Variants in MED13L observed in about 807,000 individuals in gnomAD.
The protein encoded by MED13L is mediator of RNA polymerase II transcription subunit 13-like.
Under a neutral mutation model 220.9 loss-of-function variants are expected in MED13L, and 7 were observed. The ratio of observed to expected loss-of-function variants is 0.03; its 90% confidence interval spans 0.02 to 0.06. MED13L has a LOEUF of 0.06. MED13L is among the 10% of genes least tolerant of loss of function. The probability of loss-of-function intolerance (pLI) is 1.00; values close to 1 mark genes in which losing one functional copy is unlikely to be tolerated. For synonymous variants in MED13L, 1,011 were observed against 1,015.2 expected, an observed-to-expected ratio of 1.00 and a Z score of 0.08; for missense variants, 1,965 against 2,760.5, an observed-to-expected ratio of 0.71 and a Z score of 6.46.
At chr12:115,969,803 C>A (rs997493633) in intron 27 of MED13L, among the ~76,000 whole-genome samples, 3 of 152,128 alleles carry the variant, frequency 2.0e-5, no homozygotes, top group African/African-American at 7.2e-5. Flanking sequence ...GGATTACAGG[C>A]ATAAGCCACC....
At chr12:116,012,471 T>C (rs780836280) in intron 9 of MED13L, among the ~76,000 whole-genome samples, 1 of 152,198 alleles carries the variant, frequency 6.6e-6, no homozygotes, top group African/African-American at 2.4e-5. Flanking sequence ...CTGTTTTTAA[T>C]GTATCTCTAC....
chr12:116,043,634 A>C (rs1881665325), intron 4 of MED13L, among the ~76,000 whole-genome samples: 1 of 152,228 alleles, frequency 6.6e-6, no homozygotes, highest in African/African-American at 2.4e-5. Context: ...GGGAACCAAG[A>C]GTATACTCTT....
At chr12:115,976,009 T>C (rs1876911997) in intron 23 of MED13L, among the ~76,000 whole-genome samples, 2 of 152,182 alleles carry the variant, frequency 1.3e-5, no homozygotes, top group Non-Finnish European at 2.9e-5. Context: ...CCAACTTCAT[T>C]AGTTGTTAGG....
chr12:116,228,669 C>T (rs1222273607), intron 2 of MED13L, among the ~76,000 whole-genome samples: 8 of 152,144 alleles, frequency 5.3e-5, no homozygotes, highest in Admixed American at 3.3e-4. Flanking sequence ...CATTTATACA[C>T]GTCAGCAATG....
At chr12:116,190,882 A>T (rs1881228011) in intron 2 of MED13L, among the ~76,000 whole-genome samples, 1 of 152,122 alleles carries the variant, frequency 6.6e-6, no homozygotes, top group Admixed American at 6.5e-5. Context: ...ACCTGAGGTC[A>T]GAAGTTCGAG....
intron 2 of MED13L, among the ~76,000 whole-genome samples, chr12:116,114,643 T>C (rs1458965152): frequency 1.3e-5 from 2 of 152,036 alleles, no homozygotes; most frequent in Non-Finnish European, 2.9e-5. Context: ...TCCAATACAA[T>C]AGGGCAAGAA....
chr12:116,055,055 T>C (rs763089563), intron 4 of MED13L, among the ~76,000 whole-genome samples: 2 of 152,020 alleles, frequency 1.3e-5, no homozygotes, highest in Non-Finnish European at 2.9e-5. Context: ...CTGAGAGAAA[T>C]AAGATACAAA....
chr12:115,970,778 G>T lies in MED13L; in HGVS notation c.5891-8C>A, dbSNP rs200004771. Reference sequence around the variant, plus strand: ...AGCCCATTGTGACAGCATCTTTAAAGAAAAAAATAGAATTATATCAATCAA... The same window carrying T: ...AGCCCATTGTGACAGCATCTTTAAATAAAAAAATAGAATTATATCAATCAA... On this transcript the variant is annotated splice_region_variant and splice_polypyrimidine_tract_variant and intron_variant, in intron 26 of 30. Coordinates refer to ENST00000281928, the MANE Select transcript of MED13L (RefSeq NM_015335.5). 4.0e-5 allele frequency: 65 copies of T among 1,612,506 alleles called. No individual in the cohort carries two copies. The East Asian group carries it at 1.4e-3, about 35-fold the overall frequency.
intron 1 of MED13L, among the ~76,000 whole-genome samples, chr12:116,259,184 CAT>C (rs1489995288): frequency 2.0e-5 from 3 of 152,010 alleles, no homozygotes; most frequent in African/African-American, 7.2e-5. Flanking sequence ...TGCTCAAAAA[CAT>C]AATAAAAATG....
chr12:116,014,973 A>T, intron 8 of MED13L, 136 bp downstream of exon 8: 1 of 833,478 alleles, frequency 1.2e-6, no homozygotes, highest in Non-Finnish European at 2.0e-6. Flanking sequence ...TATTCTATTA[A>T]ATTCAAAAAG....
chr12:116,151,247 G>T (rs1409099262), intron 2 of MED13L, among the ~76,000 whole-genome samples: 1 of 152,034 alleles, frequency 6.6e-6, no homozygotes, highest in African/African-American at 2.4e-5. Context: ...TGTATAAGAG[G>T]TCTTCATAAG....
At chr12:116,026,229 A>G (rs1056823385) in intron 4 of MED13L, among the ~76,000 whole-genome samples, 15 of 152,214 alleles carry the variant, frequency 9.9e-5, no homozygotes, top group African/African-American at 3.6e-4. Flanking sequence ...TTGGTTTTAG[A>G]AAGTCTAAGG....
intron 2 of MED13L, among the ~76,000 whole-genome samples, chr12:116,184,933 A>C (rs1286559967): frequency 3.3e-5 from 5 of 152,194 alleles, no homozygotes; most frequent in African/African-American, 4.8e-5. Context: ...ACAAGGATCC[A>C]GTGTTTGGGT....
chr12:116,075,705 C>G (rs182507390), intron 4 of MED13L, among the ~76,000 whole-genome samples: 8 of 152,256 alleles, frequency 5.3e-5, no homozygotes, highest in African/African-American at 1.9e-4. Flanking sequence ...CTGCAAGCTC[C>G]AGGAAATAGA....
In MED13L at chr12:115,991,049, G is replaced by A. The variant is rs1421800865; in HGVS notation, c.3905C>T (p.Ala1302Val). 1.2e-6 allele frequency: 2 copies of A among 1,614,050 alleles called. No homozygotes were observed. Residue 1302 changes from alanine (A) to valine (V), a missense_variant, in exon 17 of 31, where the codon GCC becomes GTC. By Grantham distance (64) the Ala-to-Val change is moderately conservative (BLOSUM62 0). Coordinates refer to ENST00000281928, the MANE Select transcript of MED13L (RefSeq NM_015335.5). This position sits in a 1 kb window ranked among gnomAD's most constrained non-coding sequence, Gnocchi z 7.7. ...GCTGTGAGGCCAAGAGTGCACAGTG[G>A]CACTTCTCACCAGAGCTTCGTCCAC... ...GKVDEALVRS[A>V]TVHSWPHSNV... is the part of the protein sequence containing the mutation.
chr12:116,044,397 G>A (rs1039112714), intron 4 of MED13L, among the ~76,000 whole-genome samples: 6 of 152,150 alleles, frequency 3.9e-5, no homozygotes, highest in African/African-American at 1.2e-4. Context: ...GAAAGAAAGC[G>A]CAAGTGAATG....
At chr12:116,276,322 G>A (rs1873819644) in intron 1 of MED13L, 1 of 454,120 alleles carries the variant, frequency 2.2e-6, no homozygotes, top group South Asian at 1.9e-5. Context: ...GTGTGTGTGT[G>A]TGTGTGTGTG....
At chr12:116,195,441 A>T (rs1486439349) in intron 2 of MED13L, among the ~76,000 whole-genome samples, 1 of 152,302 alleles carries the variant, frequency 6.6e-6, no homozygotes, top group East Asian at 1.9e-4. Context: ...GAAAAGCCTG[A>T]AAATAGTATG....
chr12:116,124,944 C>T (rs1875450625), intron 2 of MED13L, among the ~76,000 whole-genome samples: 1 of 152,092 alleles, frequency 6.6e-6, no homozygotes, highest in South Asian at 2.1e-4. Context: ...CATAGTTAAA[C>T]CAAAATATTG....
Sources: allele counts gnomAD v4.1 joint callset (sites outside exome capture counted in the v4.1 genomes callset), GRCh38; gene constraint gnomAD v4.1.1; non-coding constraint Gnocchi (gnomAD v3.1); transcripts MANE v1.5; gene names NCBI Gene and HGNC (gene_info 2026-07-23, HGNC 2026-07-21).